The following DLGAP2 variants were observed in gnomAD, a reference collection of about 807,000 sequenced individuals.
DLGAP2 encodes disks large-associated protein 2.
In DLGAP2, 26 loss-of-function variants were observed where a neutral mutation model predicts 100.3. The observed-to-expected ratio is 0.26, with a 90% CI of 0.19 to 0.36. The LOEUF (loss-of-function observed/expected upper bound fraction) is 0.36, where lower values mean the gene tolerates loss of function less well. DLGAP2 is among the 10% of genes least tolerant of loss of function. The pLI is 1.00. For synonymous variants in DLGAP2, 886 were observed against 630.1 expected, an observed-to-expected ratio of 1.41 and a Z score of -6.08; for missense variants, 1,858 against 1,453.2, an observed-to-expected ratio of 1.28 and a Z score of -4.53.
intron 3 of DLGAP2, among the ~76,000 whole-genome samples, chr8:1,259,233 G>C (rs952876214): frequency 2.0e-5 from 3 of 152,208 alleles, no homozygotes; most frequent in Non-Finnish European, 4.4e-5. Context: ...CCAATGAGCC[G>C]CAGGCTGAGT....
chr8:1,081,313 C>G (rs530798435), intron 2 of DLGAP2, among the ~76,000 whole-genome samples: 5 of 152,252 alleles, frequency 3.3e-5, no homozygotes, highest in African/African-American at 1.2e-4. Flanking sequence ...ATTTGTGTTG[C>G]TAAATTTCTG....
At chr8:1,358,657 A>C (rs1200734306) in intron 3 of DLGAP2, among the ~76,000 whole-genome samples, 1 of 152,160 alleles carries the variant, frequency 6.6e-6, no homozygotes, top group Non-Finnish European at 1.5e-5. Flanking sequence ...GCCGTGGTGA[A>C]GAAGGCTTCT....
At chr8:889,162 G>A (rs568182171) in intron 1 of DLGAP2, among the ~76,000 whole-genome samples, 1 of 152,268 alleles carries the variant, frequency 6.6e-6, no homozygotes, top group South Asian at 2.1e-4. Context: ...AGTTAAGGCA[G>A]GAACAGGCCA....
intron 4 of DLGAP2, among the ~76,000 whole-genome samples, chr8:1,532,776 C>T (rs1243412388): frequency 1.3e-5 from 2 of 152,088 alleles, no homozygotes; most frequent in East Asian, 1.9e-4. Flanking sequence ...TTTCTACTGA[C>T]GTCAGTTAGG....
At chr8:1,263,819 C>G (rs1799398826) in intron 3 of DLGAP2, among the ~76,000 whole-genome samples, 1 of 152,146 alleles carries the variant, frequency 6.6e-6, no homozygotes, top group Non-Finnish European at 1.5e-5. Flanking sequence ...CACCCTGTCT[C>G]TCTGAGACCA....
intron 2 of DLGAP2, among the ~76,000 whole-genome samples, chr8:1,244,692 T>C (rs1798867816): frequency 6.6e-6 from 1 of 152,198 alleles, no homozygotes; most frequent in South Asian, 2.1e-4. Flanking sequence ...AGGACGTGCA[T>C]CTTTGTGATC....
chr8:1,513,618 A>C (rs1244904354), intron 4 of DLGAP2, among the ~76,000 whole-genome samples: 1 of 152,222 alleles, frequency 6.6e-6, no homozygotes, highest in Non-Finnish European at 1.5e-5. Context: ...AATTGAGGTG[A>C]GACCTTGCTA....
chr8:748,968 G>A (rs1820721148), intron 1 of DLGAP2, among the ~76,000 whole-genome samples: 2 of 152,306 alleles, frequency 1.3e-5, no homozygotes, highest in African/African-American at 4.8e-5. Flanking sequence ...GTGGTATAAC[G>A]GGAGGTGAGC....
intron 3 of DLGAP2, among the ~76,000 whole-genome samples, chr8:1,453,451 C>G (rs563230740): frequency 6.6e-6 from 1 of 152,284 alleles, no homozygotes; most frequent in Non-Finnish European, 1.5e-5. Context: ...TTATTCCATA[C>G]CTAACAGAGA....
intron 2 of DLGAP2, among the ~76,000 whole-genome samples, chr8:1,038,945 T>G (rs1802213582): frequency 6.6e-6 from 1 of 152,246 alleles, no homozygotes; most frequent in Non-Finnish European, 1.5e-5. Context: ...TGCTTTCGTG[T>G]CTCTCCAAGT....
In DLGAP2 at chr8:1,439,655, G is replaced by T. The variant is rs146536466; in HGVS notation, c.107-61711G>T. ...AAGGACGGAGTGCGCAGAGAGACAGGGTCTCGAAACTGAAACGGCAACGTG... is the reference window on the plus strand; with the variant it reads ...AAGGACGGAGTGCGCAGAGAGACAGTGTCTCGAAACTGAAACGGCAACGTG... On this transcript the variant is annotated intron_variant, in intron 3 of 14. Coordinates refer to ENST00000637795, the MANE Select transcript of DLGAP2 (RefSeq NM_001346810.2). Among the ~76,000 whole-genome samples, 160 of 152,242 alleles carry T rather than the reference G, an allele frequency of 1.1e-3. No homozygotes were observed. In the East Asian group the frequency reaches 0.017, roughly 16 times the overall value.
At chr8:1,189,489 G>T (rs1002893837) in intron 2 of DLGAP2, among the ~76,000 whole-genome samples, 24 of 152,124 alleles carry the variant, frequency 1.6e-4, no homozygotes, top group African/African-American at 5.8e-4. Flanking sequence ...ATCCACTCAA[G>T]CAACTAGTGT....
intron 1 of DLGAP2, among the ~76,000 whole-genome samples, chr8:899,180 A>G (rs779869846): frequency 1.3e-5 from 2 of 152,130 alleles, no homozygotes. Context: ...TCCTCTCTCC[A>G]ACCTGCTCCC....
At chr8:1,314,336 C>A (rs1350014591) in intron 3 of DLGAP2, among the ~76,000 whole-genome samples, 1 of 152,202 alleles carries the variant, frequency 6.6e-6, no homozygotes, top group Non-Finnish European at 1.5e-5. Flanking sequence ...CTGCAGCCAA[C>A]TGAAGTGATT....
At chr8:751,701 T>A (rs1299480484) in intron 1 of DLGAP2, among the ~76,000 whole-genome samples, 1 of 152,140 alleles carries the variant, frequency 6.6e-6, no homozygotes, top group Non-Finnish European at 1.5e-5. Context: ...TAAGTCCTTA[T>A]AGTAAGTTCA....
chr8:845,837 A>G (rs1797061919), intron 1 of DLGAP2, among the ~76,000 whole-genome samples: 1 of 152,198 alleles, frequency 6.6e-6, no homozygotes, highest in Admixed American at 6.5e-5. Context: ...ATGTTTGCAT[A>G]TGGTGTGAGG....
chr8:1,125,876 G>C (rs1274396209), intron 2 of DLGAP2, among the ~76,000 whole-genome samples: 7 of 152,216 alleles, frequency 4.6e-5, no homozygotes, highest in Non-Finnish European at 1.0e-4. Flanking sequence ...CGGGGAGGCA[G>C]AAAGGCAGGG....
intron 2 of DLGAP2, among the ~76,000 whole-genome samples, chr8:1,255,283 C>T (rs1277878605): frequency 1.1e-5 from 1 of 94,980 alleles, no homozygotes; most frequent in Non-Finnish European, 1.9e-5. Flanking sequence ...CCTCTCCTGC[C>T]TGGGTGCTGT....
In DLGAP2 at chr8:1,036,803, A is replaced by G. The variant is rs1244920582; in HGVS notation, c.73+128837A>G. Among the ~76,000 whole-genome samples, 4 of 152,294 alleles carry G rather than the reference A, an allele frequency of 2.6e-5. No homozygotes were observed. In the East Asian group the frequency reaches 5.8e-4, roughly 22 times the overall value. On this transcript the variant is annotated intron_variant, in intron 2 of 14. Coordinates refer to ENST00000637795, the MANE Select transcript of DLGAP2 (RefSeq NM_001346810.2). The stretch of plus-strand genomic sequence containing the variant: ...TGCCGTCACTAAGAAAAGTGTCAAT[A>G]GGCAGTCATGGTTCAGAATCCTGGG...
Sources: allele counts gnomAD v4.1 joint callset (sites outside exome capture counted in the v4.1 genomes callset), GRCh38; gene constraint gnomAD v4.1.1; transcripts MANE v1.5; gene names NCBI Gene and HGNC (gene_info 2026-07-23, HGNC 2026-07-21).